The following LRP8 variants were observed in gnomAD, a reference collection of about 807,000 sequenced individuals.
LRP8 encodes low-density lipoprotein receptor-related protein 8.
In LRP8, 46 loss-of-function variants were observed where a neutral mutation model predicts 111.6. The observed-to-expected ratio is 0.41, with a 90% CI of 0.33 to 0.53. LRP8 has a LOEUF of 0.53. LRP8 is among the 20% of genes least tolerant of loss of function. The pLI is 0.20. For missense variants in LRP8, 959 were observed against 1,297.4 expected, an observed-to-expected ratio of 0.74 and a Z score of 4.01; for synonymous variants, 464 against 511.2, an observed-to-expected ratio of 0.91 and a Z score of 1.24.
chr1:53,266,379 G>A lies in LRP8; in HGVS notation c.1427+94C>T, dbSNP rs1646556713. The stretch of plus-strand genomic sequence containing the variant: ...CCAAGTCCCAACTCTGTCCTGAGGA[G>A]CTCTAGAGGCAGACACCACTCCTCC... On this transcript the variant is annotated intron_variant, in intron 9 of 18. Coordinates refer to ENST00000306052, the MANE Select transcript of LRP8 (RefSeq NM_004631.5). The surrounding 1 kb of genome is among the most constrained non-coding windows in gnomAD (Gnocchi z 5.0). The A allele has an allele frequency of 1.5e-6, 2 of 1,327,636 alleles. No individual in the cohort carries two copies. Among genetic ancestry groups the A allele is most frequent in the Non-Finnish European group, 2.1e-6 (2 of 940,828 alleles). The allele number at this position is 1,327,636 out of a possible 1,614,324, so 82.2% of individuals were successfully genotyped here.
rs1231397353 is a variant in LRP8, at chr1:53,246,993, A to T, written c.*25T>A. ...GTAGTGCATGGGACTGAATTCCATG[A>T]GGCACGAAGGGGGTGATCCCATCCT... On this transcript the variant is annotated 3_prime_UTR_variant, in exon 19 of 19. Coordinates refer to ENST00000306052, the MANE Select transcript of LRP8 (RefSeq NM_004631.5). 2 of 1,603,398 alleles carry T rather than the reference A, an allele frequency of 1.2e-6. No individual in the cohort carries two copies. Among genetic ancestry groups the T allele is most frequent in the Non-Finnish European group, 1.7e-6 (2 of 1,174,698 alleles).
chr1:53,295,903 A>T (rs1649622570), intron 2 of LRP8, among the ~76,000 whole-genome samples: 1 of 152,194 alleles, frequency 6.6e-6, no homozygotes, highest in South Asian at 2.1e-4. Flanking sequence ...AGATGATTAG[A>T]TGAGGTGCAG....
chr1:53,313,441 G>A (rs1025604408), intron 2 of LRP8, among the ~76,000 whole-genome samples: 7 of 152,050 alleles, frequency 4.6e-5, no homozygotes, highest in African/African-American at 1.4e-4. Flanking sequence ...TTCCTCCACC[G>A]TCCTCCACAG....
intron 2 of LRP8, among the ~76,000 whole-genome samples, chr1:53,300,886 T>C (rs1007044561): frequency 2.0e-5 from 3 of 152,216 alleles, no homozygotes; most frequent in Admixed American, 6.5e-5. Flanking sequence ...ACATTGGACA[T>C]GCCCCTTACC....
intron 2 of LRP8, among the ~76,000 whole-genome samples, chr1:53,311,527 C>T (rs1652995474): frequency 6.6e-6 from 1 of 152,092 alleles, no homozygotes. Context: ...CTCCATCTGT[C>T]AGGAATCGGT....
rs1490142761 is a variant in LRP8 at position 53,317,069 on chromosome 1, C to T, written c.244+9804G>A. On this transcript the variant is annotated intron_variant, in intron 2 of 18. Coordinates refer to ENST00000306052, the MANE Select transcript of LRP8 (RefSeq NM_004631.5). This position sits in a 1 kb window ranked among gnomAD's most constrained non-coding sequence, Gnocchi z 4.9. Reference sequence around the variant, plus strand: ...ACAGCCCCTCCTCTGAAGCACACACCCCAAGCACACGCACATGTGCCCATG... The same window carrying T: ...ACAGCCCCTCCTCTGAAGCACACACTCCAAGCACACGCACATGTGCCCATG... 2.0e-5 allele frequency among the ~76,000 whole-genome samples: 3 copies of T among 152,122 alleles called. No homozygotes were observed. The highest frequency in any genetic ancestry group is 7.2e-5 in the African/African-American group (3 of 41,406).
intron 3 of LRP8, among the ~76,000 whole-genome samples, chr1:53,281,927 A>T (rs143954313): frequency 3.0e-3 from 454 of 152,370 alleles, no homozygotes; most frequent in Non-Finnish European, 4.3e-3. Context: ...ACATGGTGGT[A>T]GGCACTAAGT....
intron 3 of LRP8, among the ~76,000 whole-genome samples, chr1:53,283,297 C>A (rs1221662100): frequency 2.6e-5 from 4 of 152,080 alleles, no homozygotes; most frequent in Non-Finnish European, 4.4e-5. Context: ...TGATCTTGGA[C>A]TTCCTACCCT....
At chr1:53,299,100 G>A (rs1650311936) in intron 2 of LRP8, among the ~76,000 whole-genome samples, 1 of 151,862 alleles carries the variant, frequency 6.6e-6, no homozygotes, top group South Asian at 2.1e-4. Flanking sequence ...CACTCCTCTG[G>A]TGGAGCGAAT....
At chr1:53,327,206 CTACT>C (rs1477331406) in intron 1 of LRP8, 9 of 612,986 alleles carry the variant, frequency 1.5e-5, no homozygotes, top group South Asian at 8.1e-5. Context: ...GACCAGGCAC[CTACT>C]TAAAGTGTCA....
chr1:53,260,795 T>C (rs1196835876), intron 12 of LRP8, among the ~76,000 whole-genome samples, 190 bp from the exon 13 acceptor site: 2 of 152,200 alleles, frequency 1.3e-5, no homozygotes, highest in African/African-American at 4.8e-5. Flanking sequence ...CCTTCTATCT[T>C]AGAGGATTAT....
Position 53,303,386 on chromosome 1 carries a change from C to T in LRP8, c.245-13697G>A, listed in dbSNP as rs1212697628. ...ACACCTGGGCCCCAGGGCCATGTGG[C>T]CCAGCCCTTGGATTTCATACATGAG... On this transcript the variant is annotated intron_variant, in intron 2 of 18. Transcript: ENST00000306052. This position sits in a 1 kb window ranked among gnomAD's most constrained non-coding sequence, Gnocchi z 4.3. 1.3e-5 allele frequency among the ~76,000 whole-genome samples: 2 copies of T among 152,198 alleles called. No homozygotes were observed. Among genetic ancestry groups the T allele is most frequent in the South Asian group, 2.1e-4 (1 of 4,834 alleles).
In LRP8 at chr1:53,287,557, G is replaced by A. The variant is rs189584597; in HGVS notation, c.367+2010C>T. On this transcript the variant is annotated intron_variant, in intron 3 of 18. Coordinates refer to ENST00000306052, the MANE Select transcript of LRP8 (RefSeq NM_004631.5). ...AGGAGAGCTGGGCTTCTGTCTCCTGGGGTGCTGCCTTGGCTACTGCTCCCA... is the reference window on the plus strand; with the variant it reads ...AGGAGAGCTGGGCTTCTGTCTCCTGAGGTGCTGCCTTGGCTACTGCTCCCA... Among the ~76,000 whole-genome samples the A allele has an allele frequency of 3.0e-3, 462 of 152,312 alleles. 4 individuals are homozygous for A. In the Middle Eastern group the frequency reaches 0.041, roughly 13 times the overall value.
Position 53,249,941 on chromosome 1 carries a change from CA to C in LRP8, c.2677-386del, listed in dbSNP as rs1355951919. 1.3e-5 allele frequency among the ~76,000 whole-genome samples: 2 copies of C among 152,172 alleles called. No individual in the cohort carries two copies. Among genetic ancestry groups the C allele is most frequent in the African/African-American group, 2.4e-5 (1 of 41,434 alleles). On this transcript the variant is annotated intron_variant, in intron 17 of 18. Transcript: ENST00000306052. The surrounding 1 kb of genome is among the most constrained non-coding windows in gnomAD (Gnocchi z 4.1). ...CAGATTAATCAGACAGTTCTGCCCT[CA>C]AGGATCTTATGGGTTAGTGAGGAGA...
intron 16 of LRP8, among the ~76,000 whole-genome samples, chr1:53,253,475 G>A (rs929913654): frequency 2.0e-5 from 3 of 151,986 alleles, no homozygotes; most frequent in African/African-American, 7.2e-5. Flanking sequence ...ATAAGTAAAG[G>A]GGCTGATAAG....
At chr1:53,272,828 C>T (rs1646801619) in intron 6 of LRP8, among the ~76,000 whole-genome samples, 3 of 152,194 alleles carry the variant, frequency 2.0e-5, no homozygotes, top group African/African-American at 2.4e-5. Context: ...CCCTGAGCAC[C>T]GTTCATTCAT....
rs144079159 is a variant in LRP8 at position 53,300,436 on chromosome 1, T to C, written c.245-10747A>G. Among the ~76,000 whole-genome samples, 302 of 152,096 alleles carry C rather than the reference T, an allele frequency of 2.0e-3. 2 individuals carry two copies. Among genetic ancestry groups the C allele is most frequent in the African/African-American group, 6.7e-3 (277 of 41,458 alleles). The stretch of plus-strand genomic sequence containing the variant: ...CAGCCAGGGCCCACAACACCAAAGG[T>C]AGGACGTTAGCAAGCTCGAGTCTCC... On this transcript the variant is annotated intron_variant, in intron 2 of 18. Coordinates refer to ENST00000306052, the MANE Select transcript of LRP8 (RefSeq NM_004631.5).
intron 8 of LRP8, among the ~76,000 whole-genome samples, chr1:53,269,971 C>T (rs1413583047): frequency 6.6e-6 from 1 of 150,956 alleles, no homozygotes; most frequent in Admixed American, 6.6e-5. Flanking sequence ...CCAGGTCGTG[C>T]TCTTTGTGTG....
intron 13 of LRP8, 124 bp downstream of exon 13, chr1:53,260,340 T>C: frequency 2.5e-6 from 2 of 811,228 alleles, no homozygotes; most frequent in South Asian, 3.3e-5. Context: ...ACAAGAGGGA[T>C]TGTTGTTATT....
Sources: allele counts gnomAD v4.1 joint callset (sites outside exome capture counted in the v4.1 genomes callset), GRCh38; gene constraint gnomAD v4.1.1; non-coding constraint Gnocchi (gnomAD v3.1); transcripts MANE v1.5; gene names NCBI Gene and HGNC (gene_info 2026-07-23, HGNC 2026-07-21).